RCC2: variants seen among roughly 807,000 people sequenced by gnomAD.
The protein encoded by RCC2 is protein RCC2.
In RCC2, 19 loss-of-function variants were observed where a neutral mutation model predicts 64.1. The observed-to-expected ratio is 0.30, with a 90% confidence interval of 0.21 to 0.44. The LOEUF (loss-of-function observed/expected upper bound fraction) is 0.44. RCC2 is among the 20% of genes least tolerant of loss of function. The probability of loss-of-function intolerance (pLI) is 1.00; values close to 1 mark genes in which losing one functional copy is unlikely to be tolerated. For synonymous variants in RCC2, 325 were observed against 279.6 expected, an observed-to-expected ratio of 1.16 and a Z score of -1.62; for missense variants, 508 against 710.4, an observed-to-expected ratio of 0.72 and a Z score of 3.24.
intron 2 of RCC2, among the ~76,000 whole-genome samples, chr1:17,433,652 G>A (rs2075707195): frequency 6.6e-6 from 1 of 152,188 alleles, no homozygotes; most frequent in African/African-American, 2.4e-5. Flanking sequence ...CCAGCAACTT[G>A]GTCACATAAC....
intron 2 of RCC2, among the ~76,000 whole-genome samples, chr1:17,437,291 C>T (rs988006275): frequency 5.9e-5 from 9 of 152,336 alleles, no homozygotes; most frequent in Non-Finnish European, 4.4e-5. Flanking sequence ...AGGCTCTACA[C>T]CCCAGGTGGA....
chr1:17,422,220 C>A lies in RCC2; in HGVS notation c.727G>T (p.Val243Phe), dbSNP rs776006994. The change falls in exon 6 of 13, where the codon GTT becomes TTT. Residue 243 changes from valine (V) to phenylalanine (F), a missense_variant. Val to Phe is a conservative substitution (Grantham distance 50). Transcript: ENST00000375436. ...QLGLGNQTDAVPSPAQIMYNG... is the reference protein window; with the variant it reads ...QLGLGNQTDAFPSPAQIMYNG... ...GGGGTCACCTGCGCGGGGCTGGGAA[C>A]AGCGTCTGTCTGGTTGCCAAGGCCC... 2 of 1,611,942 alleles carry A rather than the reference C, an allele frequency of 1.2e-6. No individual in the cohort carries two copies. Among genetic ancestry groups the A allele is most frequent in the Non-Finnish European group, 1.7e-6 (2 of 1,179,442 alleles).
chr1:17,429,024 G>A (rs1454614781), intron 3 of RCC2, 82 bp downstream of exon 3: 3 of 1,070,972 alleles, frequency 2.8e-6, no homozygotes, highest in Middle Eastern at 2.0e-4. Context: ...TGTAAATGAA[G>A]GGAATACCTA....
At chr1:17,426,004 T>C (rs1217153325) in intron 3 of RCC2, among the ~76,000 whole-genome samples, 1 of 152,156 alleles carries the variant, frequency 6.6e-6, no homozygotes, top group East Asian at 1.9e-4. Context: ...TGTTCTGCCA[T>C]TGAGCACGCC....
chr1:17,432,107 T>C (rs185331282), intron 2 of RCC2, among the ~76,000 whole-genome samples: 38 of 150,990 alleles, frequency 2.5e-4, no homozygotes, highest in Admixed American at 9.2e-4. Context: ...AAAAAAAAAG[T>C]TGGGGGGAGG....
Position 17,438,380 on chromosome 1 carries a change from G to A in RCC2, c.135C>T (p.Ser45=). Residue 45 remains serine (S), a synonymous_variant, in exon 2 of 13, where the codon AGC becomes AGT. Transcript: ENST00000375436. ...CGTCGCCGCTGCTGCCGCCGCCGCT[G>A]CTGCTACTGCAGCGCTCGGGCCGCT... is the stretch of plus-strand genomic sequence containing the variant. The part of the protein sequence containing the change: ...KRERPERCSS[S]SGGGSSGDED... 1.6e-6 allele frequency: 2 copies of A among 1,251,162 alleles called. No homozygotes were observed. The highest frequency in any genetic ancestry group is 2.0e-6 in the Non-Finnish European group (2 of 1,002,360). 77.5% of individuals were successfully genotyped at this position (1,251,162 alleles called of 1,614,324 possible).
chr1:17,425,771 C>A, intron 3 of RCC2, 87 bp from the exon 4 acceptor site: 1 of 1,416,342 alleles, frequency 7.1e-7, no homozygotes, highest in African/African-American at 1.4e-5. Context: ...AGCCACTTCC[C>A]GAGGGTACCA....
chr1:17,438,194 C>A, intron 2 of RCC2, 36 bp downstream of exon 2: 1 of 1,181,646 alleles, frequency 8.5e-7, no homozygotes, highest in Non-Finnish European at 1.1e-6. Flanking sequence ...CCGGCCCCGG[C>A]CCTGCGCCCA....
Position 17,412,159 on chromosome 1 carries a change from G to A in RCC2, c.1349C>T (p.Thr450Ile). ...GGTCGGTGACGGACCCCAGCTGATG[G>A]TGCTCTCATCGGCGGCCACAATGAT... ...SSIIVAADES[T>I]ISWGPSPTFG... The change falls in exon 11 of 13, where the codon ACC (threonine) becomes ATC (isoleucine). Residue 450 changes from threonine (T) to isoleucine (I), a missense_variant. Transcript: ENST00000375436. 1.2e-6 allele frequency: 2 copies of A among 1,614,144 alleles called. No individual in the cohort carries two copies. Among genetic ancestry groups the A allele is most frequent in the Non-Finnish European group, 1.7e-6 (2 of 1,180,020 alleles).
At chr1:17,431,516 A>AG (rs1468042447) in intron 2 of RCC2, among the ~76,000 whole-genome samples, 16 of 145,298 alleles carry the variant, frequency 1.1e-4, no homozygotes, top group African/African-American at 3.8e-4. Context: ...AAAAAAAAAA[A>AG]AAAAAGAAAG....
At chr1:17,413,332 C>A (rs1237946988) in intron 9 of RCC2, among the ~76,000 whole-genome samples, 154 bp from the exon 10 acceptor site, 1 of 152,208 alleles carries the variant, frequency 6.6e-6, no homozygotes, top group Admixed American at 6.5e-5. Context: ...CCTGTGCAGT[C>A]CTAGCTACTC....
Position 17,416,534 on chromosome 1 carries a change from A to T in RCC2, c.972T>A (p.Ile324=), listed in dbSNP as rs772040346. ...GTACAACCACGTTTGGTACAGGCAG[A>T]ATCTGTCCATCTTTCGTCTTCTCAA... The part of the protein sequence containing the change: ...IFIEKTKDGQ[I]LPVPNVVVRD... The change falls in exon 8 of 13, where the codon ATT becomes ATA. Residue 324 remains isoleucine, a synonymous_variant. Coordinates refer to ENST00000375436, the MANE Select transcript of RCC2 (RefSeq NM_018715.4). 1.0e-4 allele frequency: 169 copies of T among 1,613,860 alleles called. 1 individual carries two copies. The Middle Eastern group carries it at 1.4e-3, about 13-fold the overall frequency.
intron 8 of RCC2, 24 bp downstream of exon 8, chr1:17,416,456 G>GCAGT: frequency 1.3e-6 from 2 of 1,595,786 alleles, no homozygotes; most frequent in Non-Finnish European, 1.7e-6. Flanking sequence ...CGACTCTCAG[G>GCAGT]AAGTGAGAAA....
intron 4 of RCC2, 91 bp downstream of exon 4, chr1:17,425,450 G>T: frequency 7.6e-7 from 1 of 1,317,292 alleles, no homozygotes; most frequent in Non-Finnish European, 1.0e-6. Context: ...TATAAGACGC[G>T]AGTCTCTTTT....
chr1:17,411,290 G>A (rs775588147), intron 11 of RCC2, among the ~76,000 whole-genome samples: 1 of 152,084 alleles, frequency 6.6e-6, no homozygotes, highest in African/African-American at 2.4e-5. Flanking sequence ...TCAAAGACCC[G>A]CCTTGGCCAG....
At chr1:17,437,558 G>A (rs1047322449) in intron 2 of RCC2, among the ~76,000 whole-genome samples, 1 of 140,550 alleles carries the variant, frequency 7.1e-6, no homozygotes, top group Non-Finnish European at 1.6e-5. Flanking sequence ...TTCACTTGGG[G>A]GGGCTACAAC....
chr1:17,434,965 CA>C (rs2100397073), intron 2 of RCC2, among the ~76,000 whole-genome samples: 1 of 152,264 alleles, frequency 6.6e-6, no homozygotes, highest in African/African-American at 2.4e-5. Flanking sequence ...TTACCGAGCA[CA>C]GTGACAGGTG....
At chr1:17,439,171 A>T (rs538729406) in intron 1 of RCC2, among the ~76,000 whole-genome samples, 83 of 152,012 alleles carry the variant, frequency 5.5e-4, no homozygotes, top group Non-Finnish European at 9.1e-4. Context: ...CCAGCCCCAA[A>T]CACCTGCTCG....
chr1:17,422,362 G>T (rs2075565124), intron 5 of RCC2, 71 bp from the exon 6 acceptor site: 1 of 1,385,930 alleles, frequency 7.2e-7, no homozygotes, highest in Non-Finnish European at 1.0e-6. Flanking sequence ...TAGAATCAAA[G>T]GCATCAAAAT....
Sources: gnomAD v4.1 joint callset for allele counts (sites outside exome capture counted in the v4.1 genomes callset) on GRCh38, gnomAD v4.1.1 for gene constraint, MANE v1.5 for transcripts, NCBI Gene and HGNC (gene_info 2026-07-23, HGNC 2026-07-21) for gene names.